ANTXRL: variants seen among roughly 807,000 people sequenced by gnomAD.
ANTXRL encodes anthrax toxin receptor-like.
In ANTXRL, 63 loss-of-function variants were observed where a neutral mutation model predicts 75.4. That is an observed-to-expected ratio of 0.84 (90% CI 0.68 to 1.03). ANTXRL has a LOEUF of 1.03. Ranked by LOEUF, ANTXRL falls within the 50% of genes least tolerant of loss-of-function variation. ANTXRL has a pLI of 0.00. For missense variants in ANTXRL, 797 were observed against 789.4 expected, an observed-to-expected ratio of 1.01 and a Z score of -0.12; for synonymous variants, 335 against 291.3, an observed-to-expected ratio of 1.15 and a Z score of -1.53.
rs1565044242 is a variant in ANTXRL, at chr10:46,313,320, A to T, written c.1410+4A>T. On this transcript the variant is annotated splice_donor_region_variant and intron_variant, in intron 16 of 16. Coordinates refer to ENST00000620264, the MANE Select transcript of ANTXRL (RefSeq NM_001278688.3). ...GTGTTGTCAGAGCAGGGACCAGGTG[A>T]GCTAGGGCACAGGGACACAGTTGAT... 6.5e-7 allele frequency: 1 copy of T among 1,535,766 alleles called. No homozygotes were observed. The highest frequency in any genetic ancestry group is 8.7e-7 in the Non-Finnish European group (1 of 1,146,634).
chr10:46,319,136 A>G (rs1838866605), intron 16 of ANTXRL, among the ~76,000 whole-genome samples: 1 of 152,124 alleles, frequency 6.6e-6, no homozygotes, highest in Admixed American at 6.6e-5. Flanking sequence ...ATATGTGAGA[A>G]CTCAAGTATG....
chr10:46,300,437 C>T (rs1346407402), intron 9 of ANTXRL, among the ~76,000 whole-genome samples: 1 of 152,124 alleles, frequency 6.6e-6, no homozygotes, highest in Non-Finnish European at 1.5e-5. Context: ...TGGGAGAGGC[C>T]TCTGGTGGCC....
At chr10:46,306,075 C>T (rs1588834093) in intron 10 of ANTXRL, among the ~76,000 whole-genome samples, 1 of 152,170 alleles carries the variant, frequency 6.6e-6, no homozygotes, top group South Asian at 2.1e-4. Context: ...TCACCTCTTT[C>T]CCTCCTTGAC....
intron 10 of ANTXRL, among the ~76,000 whole-genome samples, 158 bp downstream of exon 10, chr10:46,302,978 C>T (rs577605140): frequency 7.2e-5 from 11 of 152,202 alleles, no homozygotes; most frequent in Admixed American, 5.2e-4. Flanking sequence ...CTGGGAAGGC[C>T]GGTCACCCCT....
chr10:46,300,964 G>A (rs1837693074), intron 9 of ANTXRL, among the ~76,000 whole-genome samples: 1 of 151,594 alleles, frequency 6.6e-6, no homozygotes, highest in Admixed American at 6.6e-5. Context: ...ATGAATGTTT[G>A]GCCATGTTCC....
Position 46,296,222 on chromosome 10 carries a change from A to G in ANTXRL, c.478A>G (p.Ile160Val), listed in dbSNP as rs1837367905. 2.0e-6 allele frequency: 3 copies of G among 1,535,638 alleles called. No homozygotes were observed. Among genetic ancestry groups the G allele is most frequent in the Admixed American group, 3.9e-5 (2 of 50,946 alleles). The change falls in exon 5 of 17, where the codon ATT (isoleucine) becomes GTT (valine). Residue 160 changes from isoleucine (I) to valine (V), a missense_variant. Transcript: ENST00000620264. ...ATATTTCTTCATTTTCTTGCAGGCA[A>G]TTCAACAGATCGAAAGTTTCAACTC... ...TFMQAGFRKA[I>V]QQIESFNSGN...
At position 46,329,942 on chromosome 10, in the gene ANTXRL, C is replaced by T; in HGVS notation, c.1754C>T (p.Pro585Leu). 6.5e-7 allele frequency: 1 copy of T among 1,535,848 alleles called. No homozygotes were observed. The highest frequency in any genetic ancestry group is 8.7e-7 in the Non-Finnish European group (1 of 1,146,726). Residue 585 changes from proline (P) to leucine (L), a missense_variant, in exon 17 of 17, where the codon CCC (proline) becomes CTC (leucine). This residue lies in a region of ANTXRL where 479 missense variants were observed against 422.0 expected (regional missense o/e 1.14). Transcript: ENST00000620264. ...SCLQPSRECLPLTCSSRCRLP... is the reference protein window; with the variant it reads ...SCLQPSRECLLLTCSSRCRLP... Reference sequence around the variant, plus strand: ...CTTCAACCCAGCCGGGAGTGCCTCCCCCTCACCTGCTCCTCCAGGTGCCGC... The same window carrying T: ...CTTCAACCCAGCCGGGAGTGCCTCCTCCTCACCTGCTCCTCCAGGTGCCGC...
chr10:46,316,572 A>G (rs1344528709), intron 16 of ANTXRL, among the ~76,000 whole-genome samples: 1 of 152,056 alleles, frequency 6.6e-6, no homozygotes, highest in Non-Finnish European at 1.5e-5. Flanking sequence ...TGGGCTCAAC[A>G]TGGCAGGGTT....
chr10:46,301,821 T>G (rs1325908260), intron 9 of ANTXRL, among the ~76,000 whole-genome samples: 1 of 152,164 alleles, frequency 6.6e-6, no homozygotes, highest in Non-Finnish European at 1.5e-5. Flanking sequence ...CTTGGGTGCA[T>G]GGACCGGGGG....
chr10:46,307,272 C>G (rs782752638), intron 11 of ANTXRL, 130 bp from the exon 12 acceptor site: 2 of 718,286 alleles, frequency 2.8e-6, no homozygotes, highest in South Asian at 3.3e-5. Context: ...GACCCACTTA[C>G]CCTTTGGTCA....
At chr10:46,303,144 G>A (rs782086702) in intron 10 of ANTXRL, among the ~76,000 whole-genome samples, 1 of 152,170 alleles carries the variant, frequency 6.6e-6, no homozygotes, top group Non-Finnish European at 1.5e-5. Flanking sequence ...TCCCTTGAGA[G>A]CCCAGGACCC....
chr10:46,289,557 T>C (rs1554956000), intron 1 of ANTXRL, among the ~76,000 whole-genome samples: 5 of 152,018 alleles, frequency 3.3e-5, no homozygotes, highest in African/African-American at 1.2e-4. Flanking sequence ...CAAAATCCTG[T>C]CCATACAAAA....
chr10:46,310,441 G>T lies in ANTXRL; in HGVS notation c.1135-20G>T, dbSNP rs1337744226. ...GCCCACCCCCATCCAGCCTGTGTTT[G>T]TCTCTTTTGAACATTCTAGACTGTC... On this transcript the variant is annotated intron_variant, in intron 13 of 16. Coordinates refer to ENST00000620264, the MANE Select transcript of ANTXRL (RefSeq NM_001278688.3). 2.0e-6 allele frequency: 3 copies of T among 1,536,138 alleles called. No individual in the cohort carries two copies. The highest frequency in any genetic ancestry group is 2.4e-5 in the East Asian group (1 of 40,892).
intron 9 of ANTXRL, among the ~76,000 whole-genome samples, chr10:46,299,375 C>G (rs1241704988): frequency 6.6e-6 from 1 of 152,144 alleles, no homozygotes; most frequent in Non-Finnish European, 1.5e-5. Context: ...CGAGGATGCC[C>G]TCTTGTCAGC....
intron 14 of ANTXRL, 25 bp downstream of exon 14, chr10:46,310,524 A>C: frequency 6.5e-7 from 1 of 1,535,284 alleles, no homozygotes; most frequent in Non-Finnish European, 8.7e-7. Flanking sequence ...TGGTCCCGAT[A>C]TTGTCACATC....
At chr10:46,300,751 G>A (rs1455759443) in intron 9 of ANTXRL, among the ~76,000 whole-genome samples, 28 of 152,132 alleles carry the variant, frequency 1.8e-4, no homozygotes, top group African/African-American at 6.3e-4. Context: ...GCAGCCCAAG[G>A]GCTTGGTCTG....
At chr10:46,322,473 A>G (rs1271923915) in intron 16 of ANTXRL, among the ~76,000 whole-genome samples, 1 of 150,706 alleles carries the variant, frequency 6.6e-6, no homozygotes, top group Non-Finnish European at 1.5e-5. Context: ...AAAAAAAAAA[A>G]GAAATTGCCC....
At chr10:46,327,670 C>G (rs1331543888) in intron 16 of ANTXRL, among the ~76,000 whole-genome samples, 9 of 152,110 alleles carry the variant, frequency 5.9e-5, no homozygotes, top group African/African-American at 1.7e-4. Flanking sequence ...ATTTGTCACT[C>G]ACATGTCCAA....
chr10:46,295,261 G>T (rs1231608561), intron 3 of ANTXRL, among the ~76,000 whole-genome samples: 3 of 152,162 alleles, frequency 2.0e-5, no homozygotes, highest in African/African-American at 7.2e-5. Flanking sequence ...CATTGGGCTG[G>T]GTGCAGGGCT....
Sources: allele counts gnomAD v4.1 joint callset (sites outside exome capture counted in the v4.1 genomes callset), GRCh38; gene constraint gnomAD v4.1.1; regional missense constraint gnomAD v4.1.1; transcripts MANE v1.5; gene names NCBI Gene and HGNC (gene_info 2026-07-23, HGNC 2026-07-21).